The following CTNNA2 variants were observed in gnomAD, a reference collection of about 807,000 sequenced individuals.
The protein encoded by CTNNA2 is catenin alpha 2.
In CTNNA2, 42 loss-of-function variants were observed where a neutral mutation model predicts 101.0. That is an observed-to-expected ratio of 0.42 (90% CI 0.32 to 0.54). CTNNA2 has a LOEUF of 0.54. Among genes scored for constraint, CTNNA2 ranks in the 20% least tolerant of loss-of-function variants. CTNNA2 has a pLI of 0.14. For missense variants in CTNNA2, 871 were observed against 1,223.1 expected (o/e 0.71, Z 4.29); for synonymous variants, 450 against 456.4 (o/e 0.99, Z 0.18).
chr2:79,458,795 C>T (rs1460076139), intron 4 of CTNNA2, among the ~76,000 whole-genome samples: 1 of 152,140 alleles, frequency 6.6e-6, no homozygotes, highest in Non-Finnish European at 1.5e-5. Context: ...AGGCTCTCAT[C>T]CTGCTGAACC....
chr2:80,133,266 C>T (rs1702510092), intron 7 of CTNNA2, among the ~76,000 whole-genome samples: 2 of 152,100 alleles, frequency 1.3e-5, no homozygotes, highest in South Asian at 4.1e-4. Context: ...GGATTCTCCC[C>T]TAGAGGGTTC....
intron 1 of CTNNA2, among the ~76,000 whole-genome samples, chr2:79,642,039 T>C (rs555320801): frequency 1.2e-4 from 19 of 152,354 alleles, no homozygotes; most frequent in African/African-American, 4.6e-4. Flanking sequence ...TTTGTATATA[T>C]ATTTGTGGTA....
At chr2:79,662,118 T>C (rs1328596335) in intron 2 of CTNNA2, among the ~76,000 whole-genome samples, 39 of 151,840 alleles carry the variant, frequency 2.6e-4, no homozygotes, top group Admixed American at 2.6e-3. Flanking sequence ...TAGTACCTTT[T>C]CTTGTTTGTA....
At chr2:79,695,236 T>G (rs537248727) in intron 2 of CTNNA2, among the ~76,000 whole-genome samples, 1 of 152,096 alleles carries the variant, frequency 6.6e-6, no homozygotes, top group Non-Finnish European at 1.5e-5. Context: ...TGGACACACT[T>G]TAGTGTATGC....
intron 7 of CTNNA2, among the ~76,000 whole-genome samples, chr2:80,195,742 C>T (rs1706790495): frequency 6.6e-6 from 1 of 151,342 alleles, no homozygotes; most frequent in South Asian, 2.1e-4. Context: ...TCCTGATATT[C>T]ATGGAATGAC....
At chr2:80,535,364 T>C (rs1461045079) in intron 9 of CTNNA2, among the ~76,000 whole-genome samples, 1 of 152,200 alleles carries the variant, frequency 6.6e-6, no homozygotes, top group African/African-American at 2.4e-5. Flanking sequence ...ATTTTCACTT[T>C]TATAGTGACC....
intron 1 of CTNNA2, among the ~76,000 whole-genome samples, chr2:79,637,871 C>A (rs1054311844): frequency 1.3e-5 from 2 of 152,130 alleles, no homozygotes; most frequent in Admixed American, 1.3e-4. Flanking sequence ...AGCTTTAGTT[C>A]TCTTATGGGT....
intron 7 of CTNNA2, among the ~76,000 whole-genome samples, chr2:80,070,215 C>A: frequency 6.6e-6 from 1 of 152,108 alleles, no homozygotes; most frequent in Non-Finnish European, 1.5e-5. Context: ...TCCAGTTTTC[C>A]TGAAAAGGTA....
At chr2:80,558,464 A>ATG (rs869129917) in intron 12 of CTNNA2, among the ~76,000 whole-genome samples, 144 of 146,204 alleles carry the variant, frequency 9.8e-4, no homozygotes, top group African/African-American at 3.2e-3. Context: ...GTGTGTATAT[A>ATG]TGTGTGTGTG....
intron 9 of CTNNA2, among the ~76,000 whole-genome samples, chr2:80,528,142 G>T (rs1027133529): frequency 6.6e-6 from 1 of 152,190 alleles, no homozygotes; most frequent in East Asian, 1.9e-4. Context: ...GGAAATGAGA[G>T]TTTGTTTGGA....
chr2:80,646,144 C>G (rs1674064943), intron 18 of CTNNA2, among the ~76,000 whole-genome samples: 1 of 152,078 alleles, frequency 6.6e-6, no homozygotes, highest in African/African-American at 2.4e-5. Context: ...GAATGCCAGT[C>G]ACGTCAGATG....
intron 9 of CTNNA2, among the ~76,000 whole-genome samples, chr2:80,542,188 A>T (rs1691624631): frequency 6.6e-6 from 1 of 151,976 alleles, no homozygotes; most frequent in Non-Finnish European, 1.5e-5. Flanking sequence ...TCTAGTTAAT[A>T]TTTAAATTTC....
At chr2:80,456,176 C>G (rs1229071311) in intron 9 of CTNNA2, among the ~76,000 whole-genome samples, 2 of 152,182 alleles carry the variant, frequency 1.3e-5, no homozygotes, top group East Asian at 3.9e-4. Flanking sequence ...AAGCCAGAAG[C>G]TGGACACCTG....
intron 15 of CTNNA2, among the ~76,000 whole-genome samples, chr2:80,601,305 T>G (rs1697490392): frequency 6.6e-6 from 1 of 152,112 alleles, no homozygotes; most frequent in Non-Finnish European, 1.5e-5. Context: ...TGAAATTACT[T>G]TCCTTCTGAT....
chr2:79,194,953 C>T (rs1459685167), intron 1 of CTNNA2, among the ~76,000 whole-genome samples: 4 of 152,074 alleles, frequency 2.6e-5, no homozygotes, highest in African/African-American at 9.7e-5. Context: ...TGAAAGCTCT[C>T]TTTGTTCTTT....
At chr2:79,384,420 CT>C (rs1678074965) in intron 4 of CTNNA2, among the ~76,000 whole-genome samples, 1 of 102,612 alleles carries the variant, frequency 9.7e-6, no homozygotes, top group African/African-American at 3.3e-5. Context: ...CTCTCTCTCT[CT>C]CTCTCTCTCT....
intron 5 of CTNNA2, among the ~76,000 whole-genome samples, chr2:79,507,738 T>TGTTTCCC (rs1671444544): frequency 6.6e-6 from 1 of 152,204 alleles, no homozygotes; most frequent in Non-Finnish European, 1.5e-5. Context: ...TAAGGTCAGC[T>TGTTTCCC]GTTTCCCAAA....
At chr2:80,321,245 G>GAA (rs147289115) in intron 7 of CTNNA2, among the ~76,000 whole-genome samples, 20 of 150,932 alleles carry the variant, frequency 1.3e-4, no homozygotes, top group African/African-American at 4.9e-4. Flanking sequence ...AGGCCTCCTG[G>GAA]AAAAAAAAAG....
chr2:80,637,662 A>G (rs530911760), intron 18 of CTNNA2, among the ~76,000 whole-genome samples: 174 of 152,182 alleles, frequency 1.1e-3, no homozygotes, highest in African/African-American at 3.9e-3. Flanking sequence ...TGATGAGGAG[A>G]GGATCACAGG....
Sources: allele counts gnomAD v4.1 joint callset (sites outside exome capture counted in the v4.1 genomes callset), GRCh38; gene constraint gnomAD v4.1.1; transcripts MANE v1.5; gene names NCBI Gene and HGNC (gene_info 2026-07-23, HGNC 2026-07-21).